The following NOTCH1 variants were observed in gnomAD, a reference collection of about 807,000 sequenced individuals.
NOTCH1 encodes notch receptor 1, also known as neurogenic locus notch homolog protein 1.
Under a neutral mutation model 254.8 loss-of-function variants are expected in NOTCH1, and 37 were observed. The ratio of observed to expected loss-of-function variants is 0.15; its 90% CI spans 0.11 to 0.19. The LOEUF (loss-of-function observed/expected upper bound fraction) is 0.19. NOTCH1 is among the 10% of genes least tolerant of loss of function. NOTCH1 has a pLI of 1.00. For synonymous variants in NOTCH1, 1,731 were observed against 1,618.1 expected (o/e 1.07, Z -1.68); for missense variants, 2,972 against 3,708.6 (o/e 0.80, Z 5.16).
intron 24 of NOTCH1, 106 bp from the exon 25 acceptor site, chr9:136,505,987 T>A: frequency 2.0e-6 from 2 of 1,013,774 alleles, no homozygotes; most frequent in Non-Finnish European, 2.8e-6. Context: ...TCCTCTAACC[T>A]GGGAGGCGGC....
At chr9:136,508,742 T>C in intron 19 of NOTCH1, 128 bp downstream of exon 19, 1 of 913,466 alleles carries the variant, frequency 1.1e-6, no homozygotes, top group Non-Finnish European at 1.6e-6. Flanking sequence ...CCAGAAACCC[T>C]CTGCCCGGGG....
intron 26 of NOTCH1, among the ~76,000 whole-genome samples, chr9:136,504,435 G>A (rs936006952): frequency 2.6e-5 from 4 of 152,258 alleles, no homozygotes; most frequent in African/African-American, 7.2e-5. Flanking sequence ...TCCAGGGGAA[G>A]GCAGTGGCCC....
In NOTCH1 at chr9:136,540,730, G is replaced by T. The variant is rs554835983; in HGVS notation, c.140+3294C>A. ...ACACGAGGTTGTCCAAAGCTAAAGC[G>T]CACCACCCAGCAGGCAGCTGGACAT... On this transcript the variant is annotated intron_variant, in intron 2 of 33. Transcript: ENST00000651671. The surrounding 1 kb of genome is among the most constrained non-coding windows in gnomAD (Gnocchi z 4.4). Among the ~76,000 whole-genome samples, 72 of 152,232 alleles carry T rather than the reference G, an allele frequency of 4.7e-4. No individual in the cohort carries two copies. Among genetic ancestry groups the T allele is most frequent in the African/African-American group, 1.7e-3 (71 of 41,546 alleles).
rs200788026 is a variant in NOTCH1, at chr9:136,501,992, G to C, written c.5472+9C>G. 6.2e-7 allele frequency: 1 copy of C among 1,612,560 alleles called. No individual in the cohort carries two copies. The highest frequency in any genetic ancestry group is 8.5e-7 in the Non-Finnish European group (1 of 1,179,916). On this transcript the variant is annotated intron_variant, in intron 29 of 33. Coordinates refer to ENST00000651671, the MANE Select transcript of NOTCH1 (RefSeq NM_017617.5). Reference sequence around the variant, plus strand: ...GGGAGCCCAGGAGCCCGGGAGCCTCGCGACTCACCCGGAACTTCTTGGTCT... The same window carrying C: ...GGGAGCCCAGGAGCCCGGGAGCCTCCCGACTCACCCGGAACTTCTTGGTCT...
intron 8 of NOTCH1, 124 bp downstream of exon 8, chr9:136,517,628 G>C (rs987202664): frequency 8.1e-7 from 1 of 1,239,220 alleles, no homozygotes; most frequent in Admixed American, 1.9e-5. Flanking sequence ...CCCTGTGCAG[G>C]CTGTGGGCCC....
In NOTCH1 at chr9:136,505,681, G is replaced by A. The variant is rs1427335742; in HGVS notation, c.4215C>T (p.Pro1405=). The change falls in exon 25 of 34, where the codon CCC becomes CCT. Residue 1405 remains proline (P), a synonymous_variant. Coordinates refer to ENST00000651671, the MANE Select transcript of NOTCH1 (RefSeq NM_017617.5). The part of the protein sequence containing the change: ...NPCYNQGTCE[P]TSESPFYRCL... ...AACGGTAGAAGGGGCTCTCGGATGT[G>A]GGCTCACAGGTCCCCTGGTTGTAGC... is the stretch of plus-strand genomic sequence containing the variant. 7 of 1,610,202 alleles carry A rather than the reference G, an allele frequency of 4.3e-6. No individual in the cohort carries two copies. Among genetic ancestry groups the A allele is most frequent in the African/African-American group, 1.3e-5 (1 of 74,898 alleles).
rs765208754 is a variant in NOTCH1 at position 136,518,766 on chromosome 9, G to C, written c.924C>G (p.Asn308Lys). Residue 308 changes from asparagine to lysine, a missense_variant, in exon 6 of 34, where the codon AAC becomes AAG. Asn to Lys is a moderately conservative substitution (Grantham distance 94). Transcript: ENST00000651671. Reference sequence around the variant, plus strand: ...CGTGGGTGTTGTGGCAGGTCCCGCCGTTCTGGCAGGCATTTGGCATCAGCT... The same window carrying C: ...CGTGGGTGTTGTGGCAGGTCCCGCCCTTCTGGCAGGCATTTGGCATCAGCT... ...ECQLMPNACQ[N>K]GGTCHNTHGG... The C allele has an allele frequency of 6.2e-7, 1 of 1,612,860 alleles. No homozygotes were observed. Among genetic ancestry groups the C allele is most frequent in the Non-Finnish European group, 8.5e-7 (1 of 1,179,988 alleles).
intron 21 of NOTCH1, among the ~76,000 whole-genome samples, 196 bp downstream of exon 21, chr9:136,507,759 T>C (rs888465231): frequency 3.9e-5 from 6 of 152,150 alleles, no homozygotes; most frequent in Non-Finnish European, 8.8e-5. Flanking sequence ...TCAGTATAGG[T>C]ACCCTCCTTC....
Position 136,506,296 on chromosome 9 carries a change from C to A in NOTCH1, c.4014+231G>T, listed in dbSNP as rs999739698. Among the ~76,000 whole-genome samples, 1 of 151,944 alleles carries A rather than the reference C, an allele frequency of 6.6e-6. No individual in the cohort carries two copies. The highest frequency in any genetic ancestry group is 2.4e-5 in the African/African-American group (1 of 41,324). On this transcript the variant is annotated intron_variant, in intron 24 of 33. Coordinates refer to ENST00000651671, the MANE Select transcript of NOTCH1 (RefSeq NM_017617.5). This position sits in a 1 kb window ranked among gnomAD's most constrained non-coding sequence, Gnocchi z 4.5. ...TGCAAGCTGCTAACCAGGGGAACTGCGTGCAGGGGACAGCCACCCCAGGGA... is the reference window on the plus strand; with the variant it reads ...TGCAAGCTGCTAACCAGGGGAACTGAGTGCAGGGGACAGCCACCCCAGGGA...
rs756642176 is a variant in NOTCH1, at chr9:136,513,407, G to A, written c.2338C>T (p.Arg780Trp). The change falls in exon 14 of 34, where the codon CGG becomes TGG. Residue 780 changes from arginine (R) to tryptophan (W), a missense_variant. By Grantham distance (101) the Arg-to-Trp change is moderately radical. Coordinates refer to ENST00000651671, the MANE Select transcript of NOTCH1 (RefSeq NM_017617.5). The surrounding 1 kb of genome is among the most constrained non-coding windows in gnomAD (Gnocchi z 4.7). ...DMTSGYVCTC[R>W]EGFSGPNCQT... ...GCCCACTCACCGCTGAAGCCCTCCC[G>A]GCAGGTGCACACGTAGCCACTGGTC... 1.4e-5 allele frequency: 22 copies of A among 1,612,874 alleles called. No individual in the cohort carries two copies. The highest frequency in any genetic ancestry group is 1.7e-4 in the Middle Eastern group (1 of 6,060).
intron 17 of NOTCH1, 120 bp from the exon 18 acceptor site, chr9:136,510,081 G>T (rs1303925453): frequency 8.7e-6 from 8 of 923,940 alleles, no homozygotes; most frequent in Non-Finnish European, 1.4e-5. Context: ...GCTGCGGCAA[G>T]CAGCCCTGTG....
Position 136,495,611 on chromosome 9 carries a change from C to A in NOTCH1, c.*460G>T, listed in dbSNP as rs908961575. 2 of 298,516 alleles carry A rather than the reference C, an allele frequency of 6.7e-6. No individual in the cohort carries two copies. Among genetic ancestry groups the A allele is most frequent in the Admixed American group, 5.1e-5 (1 of 19,428 alleles). 18.5% of individuals were successfully genotyped at this position (298,516 alleles called of 1,614,324 possible). Reference sequence around the variant, plus strand: ...GGCTGGCTTGGGGTTGGGTGGGCGTCGGGGAAAGGGCGCGGCCTGGACGCC... The same window carrying A: ...GGCTGGCTTGGGGTTGGGTGGGCGTAGGGGAAAGGGCGCGGCCTGGACGCC... On this transcript the variant is annotated 3_prime_UTR_variant, in exon 34 of 34. Coordinates refer to ENST00000651671, the MANE Select transcript of NOTCH1 (RefSeq NM_017617.5).
intron 2 of NOTCH1, among the ~76,000 whole-genome samples, chr9:136,539,390 T>G (rs71508860): frequency 6.6e-6 from 1 of 151,962 alleles, no homozygotes; most frequent in Non-Finnish European, 1.5e-5. Context: ...GTTTTTTTTG[T>G]TGTTTTTTGT....
rs1384760181 is a variant in NOTCH1, at chr9:136,503,426, G to A, written c.5019-96C>T. 10 of 1,575,774 alleles carry A rather than the reference G, an allele frequency of 6.3e-6. No individual in the cohort carries two copies. The South Asian group carries it at 6.7e-5, about 11-fold the overall frequency. ...GCCGCAGGACACTGAGGCCCATGACGCCACAGTCAGGACATGGTGAGGCAG... is the reference window on the plus strand; with the variant it reads ...GCCGCAGGACACTGAGGCCCATGACACCACAGTCAGGACATGGTGAGGCAG... On this transcript the variant is annotated intron_variant, in intron 26 of 33. Coordinates refer to ENST00000651671, the MANE Select transcript of NOTCH1 (RefSeq NM_017617.5).
In NOTCH1 at chr9:136,533,355, T is replaced by G. The variant is rs1034826108; in HGVS notation, c.141-9376A>C. ...GAAAAGCCGTCAGGGAAACCACACATGTTCAACCCCTGGCGGCTCCCCCAA... is the reference window on the plus strand; with the variant it reads ...GAAAAGCCGTCAGGGAAACCACACAGGTTCAACCCCTGGCGGCTCCCCCAA... On this transcript the variant is annotated intron_variant, in intron 2 of 33. Transcript: ENST00000651671. Among the ~76,000 whole-genome samples, 8 of 152,134 alleles carry G rather than the reference T, an allele frequency of 5.3e-5. 2 individuals carry two copies. The highest frequency in any genetic ancestry group is 8.8e-5 in the Non-Finnish European group (6 of 67,990).
chr9:136,526,056 C>T (rs1025648048), intron 2 of NOTCH1, among the ~76,000 whole-genome samples: 5 of 152,362 alleles, frequency 3.3e-5, no homozygotes, highest in East Asian at 1.9e-4. Context: ...GGCACAGCCC[C>T]GGAATGAGGC....
intron 30 of NOTCH1, 64 bp from the exon 31 acceptor site, chr9:136,500,911 G>T: frequency 6.6e-7 from 1 of 1,506,884 alleles, no homozygotes; most frequent in Non-Finnish European, 8.9e-7. Context: ...CCAGGGGGAG[G>T]GGGGCAGCAG....
intron 7 of NOTCH1, 84 bp downstream of exon 7, chr9:136,518,053 C>G: frequency 6.4e-7 from 1 of 1,552,912 alleles, no homozygotes; most frequent in Non-Finnish European, 8.7e-7. Context: ...ACTGGGCACC[C>G]CCTGAAGCCA....
At chr9:136,514,076 C>T (rs970022902) in intron 13 of NOTCH1, among the ~76,000 whole-genome samples, 3 of 152,182 alleles carry the variant, frequency 2.0e-5, no homozygotes, top group Admixed American at 6.5e-5. Flanking sequence ...TAGGGTGCTG[C>T]GAAAAGCCCC....
Sources: gnomAD v4.1 joint callset for allele counts (sites outside exome capture counted in the v4.1 genomes callset) on GRCh38, gnomAD v4.1.1 for gene constraint, Gnocchi (gnomAD v3.1) non-coding constraint, MANE v1.5 for transcripts, NCBI Gene and HGNC (gene_info 2026-07-23, HGNC 2026-07-21) for gene names.